NTNG1: variants seen among roughly 807,000 people sequenced by gnomAD.
The protein encoded by NTNG1 is netrin G1, also known as netrin-G1.
NTNG1 carries 16 observed loss-of-function variants against 54.0 expected under a neutral mutation model. The ratio of observed to expected loss-of-function variants is 0.30; its 90% CI spans 0.20 to 0.45. The LOEUF (loss-of-function observed/expected upper bound fraction) is 0.45. NTNG1 is among the 20% of genes least tolerant of loss of function. The pLI is 1.00. For synonymous variants in NTNG1, 255 were observed against 263.1 expected (o/e 0.97, Z 0.30); for missense variants, 530 against 678.7 (o/e 0.78, Z 2.43).
intron 2 of NTNG1, among the ~76,000 whole-genome samples, chr1:107,204,146 C>T (rs1315188841): frequency 1.3e-5 from 2 of 151,356 alleles, no homozygotes; most frequent in African/African-American, 2.4e-5. Context: ...TTTGTTTTTC[C>T]CCCTCTGGAA....
chr1:107,441,899 A>G (rs1483996246), intron 7 of NTNG1, among the ~76,000 whole-genome samples: 1 of 152,088 alleles, frequency 6.6e-6, no homozygotes, highest in African/African-American at 2.4e-5. Flanking sequence ...ATGTATGTCA[A>G]GCAGGTATAG....
intron 2 of NTNG1, among the ~76,000 whole-genome samples, chr1:107,236,819 C>A (rs750852384): frequency 1.3e-5 from 2 of 152,076 alleles, no homozygotes; most frequent in African/African-American, 2.4e-5. Context: ...TGCCTTCTGC[C>A]GTAATTGTGA....
chr1:107,398,353 C>T (rs1443263711), intron 4 of NTNG1, among the ~76,000 whole-genome samples: 1 of 152,110 alleles, frequency 6.6e-6, no homozygotes, highest in African/African-American at 2.4e-5. Flanking sequence ...ACTGGGAGGT[C>T]TTAAATTAAG....
intron 2 of NTNG1, among the ~76,000 whole-genome samples, chr1:107,210,824 T>A (rs1264370993): frequency 6.6e-6 from 1 of 152,146 alleles, no homozygotes; most frequent in Non-Finnish European, 1.5e-5. Context: ...ATGCTTTCCA[T>A]GCCACACTCT....
chr1:107,145,358 T>G (rs1380680479), intron 1 of NTNG1, among the ~76,000 whole-genome samples: 1 of 152,056 alleles, frequency 6.6e-6, no homozygotes, highest in African/African-American at 2.4e-5. Context: ...TCTTACTAAT[T>G]TGAAGTTAAG....
In NTNG1 at chr1:107,479,390, C is replaced by T. The variant is rs145727105; in HGVS notation, c.1391-1221C>T. Among the ~76,000 whole-genome samples the T allele has an allele frequency of 1.8e-3, 274 of 151,672 alleles. 3 individuals carry two copies. Among genetic ancestry groups the T allele is most frequent in the African/African-American group, 6.3e-3 (259 of 41,406 alleles). On this transcript the variant is annotated intron_variant, in intron 7 of 7. Transcript: ENST00000370068. ...AGGGTAGAGTTGTTTTCTTTTAATA[C>T]TTTGCACTTAATAGTAATATTGGGT... is the stretch of plus-strand genomic sequence containing the variant.
At chr1:107,223,660 G>A (rs1173070495) in intron 2 of NTNG1, among the ~76,000 whole-genome samples, 1 of 152,072 alleles carries the variant, frequency 6.6e-6, no homozygotes, top group Non-Finnish European at 1.5e-5. Context: ...TACAGTTAAA[G>A]TATTGGTTTC....
chr1:107,329,004 G>C (rs1180390395), intron 3 of NTNG1: 1 of 152,072 alleles, frequency 6.6e-6, no homozygotes, highest in Non-Finnish European at 1.5e-5. Context: ...TATTCCTGAA[G>C]GTAATTATCG....
At chr1:107,442,645 G>A (rs1405722005) in intron 7 of NTNG1, among the ~76,000 whole-genome samples, 1 of 152,074 alleles carries the variant, frequency 6.6e-6, no homozygotes, top group East Asian at 1.9e-4. Flanking sequence ...AAGTGGCAAA[G>A]GAACTAACAA....
intron 2 of NTNG1, among the ~76,000 whole-genome samples, chr1:107,281,449 G>A (rs1156517325): frequency 2.6e-5 from 4 of 151,994 alleles, no homozygotes; most frequent in Admixed American, 2.6e-4. Flanking sequence ...AAACTTGATG[G>A]TTATGTTCAA....
chr1:107,263,910 T>G (rs1570531343), intron 2 of NTNG1, among the ~76,000 whole-genome samples: 1 of 152,334 alleles, frequency 6.6e-6, no homozygotes, highest in East Asian at 1.9e-4. Context: ...CAAACACATC[T>G]TGATGAAATG....
chr1:107,480,706 C>T lies in NTNG1; in HGVS notation c.1486C>T (p.Leu496Phe), dbSNP rs1421593022. Residue 496 changes from leucine (L) to phenylalanine (F), a missense_variant, in exon 8 of 8, where the codon CTC (leucine) becomes TTC (phenylalanine). By Grantham distance (22) the Leu-to-Phe change is conservative (BLOSUM62 0). Coordinates refer to ENST00000370068, the MANE Select transcript of NTNG1 (RefSeq NM_001113226.3). ...CLCPAAYTGILCEKLRCEEAG... is the reference protein window; with the variant it reads ...CLCPAAYTGIFCEKLRCEEAG... Reference sequence around the variant, plus strand: ...GTGCCCGGCCGCATACACGGGCATCCTCTGCGAGAAGCTGCGGTGCGAGGA... The same window carrying T: ...GTGCCCGGCCGCATACACGGGCATCTTCTGCGAGAAGCTGCGGTGCGAGGA... The T allele has an allele frequency of 1.2e-6, 2 of 1,611,580 alleles. No individual in the cohort carries two copies. Among genetic ancestry groups the T allele is most frequent in the Admixed American group, 3.3e-5 (2 of 59,978 alleles).
chr1:107,202,618 T>A (rs1658844381), intron 2 of NTNG1, among the ~76,000 whole-genome samples: 1 of 151,870 alleles, frequency 6.6e-6, no homozygotes, highest in Non-Finnish European at 1.5e-5. Flanking sequence ...AAACTATAAA[T>A]TTTAGTCCAC....
chr1:107,317,098 G>C (rs72985549), intron 2 of NTNG1, among the ~76,000 whole-genome samples: 2,796 of 152,130 alleles, frequency 0.018, 96 homozygotes, highest in African/African-American at 0.064. Flanking sequence ...ATACTCATGC[G>C]GAGAAGAAAA....
intron 2 of NTNG1, among the ~76,000 whole-genome samples, chr1:107,205,461 G>A (rs943495591): frequency 2.0e-5 from 3 of 152,040 alleles, no homozygotes; most frequent in African/African-American, 7.2e-5. Flanking sequence ...ATTAGTTATG[G>A]CTTTTTTATT....
intron 2 of NTNG1, among the ~76,000 whole-genome samples, chr1:107,178,604 A>G (rs1434098111): frequency 1.3e-5 from 2 of 152,102 alleles, no homozygotes; most frequent in Non-Finnish European, 2.9e-5. Flanking sequence ...TCAACTTTGC[A>G]TGGGTACTTG....
intron 2 of NTNG1, among the ~76,000 whole-genome samples, chr1:107,151,318 T>C (rs911380772): frequency 2.0e-5 from 3 of 152,190 alleles, no homozygotes; most frequent in African/African-American, 7.2e-5. Flanking sequence ...GTTGGGAAAC[T>C]GTCTCAGGAT....
chr1:107,383,572 T>C (rs1369661637), intron 3 of NTNG1, among the ~76,000 whole-genome samples: 2 of 152,200 alleles, frequency 1.3e-5, no homozygotes, highest in East Asian at 3.8e-4. Context: ...ACATCACAAA[T>C]CTTTATAAGC....
At chr1:107,378,361 T>C (rs1020001926) in intron 3 of NTNG1, among the ~76,000 whole-genome samples, 1 of 152,196 alleles carries the variant, frequency 6.6e-6, no homozygotes, top group African/African-American at 2.4e-5. Context: ...GCCAGGTGAT[T>C]GCTTTCGGCA....
Sources: allele counts gnomAD v4.1 joint callset (sites outside exome capture counted in the v4.1 genomes callset), GRCh38; gene constraint gnomAD v4.1.1; transcripts MANE v1.5; gene names NCBI Gene and HGNC (gene_info 2026-07-23, HGNC 2026-07-21).